The following EXOC6B variants were observed in gnomAD, a reference collection of about 807,000 sequenced individuals.
The protein encoded by EXOC6B is exocyst complex component 6B, also known as SEC15 homolog B.
In EXOC6B, 54 loss-of-function variants were observed where a neutral mutation model predicts 113.5. The observed-to-expected ratio is 0.48, with a 90% confidence interval of 0.38 to 0.60. The LOEUF (loss-of-function observed/expected upper bound fraction) is 0.60, where lower values mean the gene tolerates loss of function less well. EXOC6B is among the 20% of genes least tolerant of loss of function. The pLI, the probability that EXOC6B is intolerant of heterozygous loss-of-function variation, is 0.00. For missense variants in EXOC6B, 797 were observed against 977.5 expected (o/e 0.82, Z 2.46); for synonymous variants, 357 against 339.0 (o/e 1.05, Z -0.58).
chr2:72,314,256 A>T (rs1431509766), intron 20 of EXOC6B, among the ~76,000 whole-genome samples: 1 of 152,148 alleles, frequency 6.6e-6, no homozygotes, highest in Non-Finnish European at 1.5e-5. Context: ...CCTGGTTATC[A>T]ACTAAATTAT....
chr2:72,381,200 T>C (rs1691658637), intron 18 of EXOC6B, among the ~76,000 whole-genome samples: 1 of 152,162 alleles, frequency 6.6e-6, no homozygotes, highest in Admixed American at 6.5e-5. Context: ...TTCTATAATA[T>C]TATGTAGGTC....
intron 8 of EXOC6B, among the ~76,000 whole-genome samples, chr2:72,517,643 C>T (rs541659196): frequency 1.3e-5 from 2 of 152,272 alleles, no homozygotes; most frequent in South Asian, 2.1e-4. Flanking sequence ...ATTCTGTATA[C>T]ACTAAAGGGC....
At chr2:72,724,347 C>T (rs1022617124) in intron 5 of EXOC6B, among the ~76,000 whole-genome samples, 13 of 152,204 alleles carry the variant, frequency 8.5e-5, no homozygotes, top group African/African-American at 2.9e-4. Context: ...AGATTATAGA[C>T]GGATCAAGTC....
At chr2:72,814,796 C>A (rs1459351050) in intron 1 of EXOC6B, among the ~76,000 whole-genome samples, 1 of 151,716 alleles carries the variant, frequency 6.6e-6, no homozygotes, top group Non-Finnish European at 1.5e-5. Context: ...TCAAGACCAC[C>A]CTGGCTAACA....
intron 6 of EXOC6B, among the ~76,000 whole-genome samples, chr2:72,696,079 A>G (rs1318552181): frequency 6.6e-6 from 1 of 152,238 alleles, no homozygotes; most frequent in African/African-American, 2.4e-5. Context: ...AATAACAATG[A>G]TACCCTTCCT....
At chr2:72,639,517 C>G (rs1011550532) in intron 6 of EXOC6B, among the ~76,000 whole-genome samples, 2 of 152,224 alleles carry the variant, frequency 1.3e-5, no homozygotes, top group Admixed American at 6.5e-5. Flanking sequence ...TTTGCCACAG[C>G]TTCCACTACT....
intron 18 of EXOC6B, among the ~76,000 whole-genome samples, chr2:72,413,842 A>T: frequency 6.6e-6 from 1 of 152,154 alleles, no homozygotes; most frequent in East Asian, 1.9e-4. Flanking sequence ...GAGATTTTGC[A>T]TTTCTAACAA....
chr2:72,440,392 T>A (rs1284006394), intron 18 of EXOC6B, among the ~76,000 whole-genome samples: 3 of 152,162 alleles, frequency 2.0e-5, no homozygotes, highest in African/African-American at 7.2e-5. Flanking sequence ...GGGGGGCCAA[T>A]ATTCAACATT....
intron 8 of EXOC6B, among the ~76,000 whole-genome samples, chr2:72,549,969 T>C (rs1703118363): frequency 6.6e-6 from 1 of 151,948 alleles, no homozygotes; most frequent in African/African-American, 2.4e-5. Context: ...TCCAGGAAAA[T>C]ACAGTTTCAG....
chr2:72,498,844 C>T (rs1026637008), intron 12 of EXOC6B, among the ~76,000 whole-genome samples: 4 of 152,058 alleles, frequency 2.6e-5, no homozygotes, highest in African/African-American at 9.7e-5. Context: ...ACATCCCTTC[C>T]TATAAGTCCT....
intron 1 of EXOC6B, among the ~76,000 whole-genome samples, chr2:72,764,237 T>C (rs921707781): frequency 4.6e-5 from 7 of 152,064 alleles, no homozygotes; most frequent in Non-Finnish European, 7.4e-5. Flanking sequence ...CCCCTTTTAG[T>C]TTTTCTAAAG....
chr2:72,779,161 G>A (rs1683884821), intron 1 of EXOC6B, among the ~76,000 whole-genome samples: 1 of 151,924 alleles, frequency 6.6e-6, no homozygotes, highest in African/African-American at 2.4e-5. Flanking sequence ...ATTGTATAAA[G>A]AAACTGAATC....
intron 20 of EXOC6B, among the ~76,000 whole-genome samples, chr2:72,332,327 T>C (rs960764327): frequency 6.6e-6 from 1 of 152,048 alleles, no homozygotes; most frequent in Admixed American, 6.6e-5. Flanking sequence ...TAATAATATG[T>C]CTGAAAGAAA....
chr2:72,307,618 C>G (rs1014145639), intron 20 of EXOC6B, among the ~76,000 whole-genome samples: 1 of 152,154 alleles, frequency 6.6e-6, no homozygotes, highest in Non-Finnish European at 1.5e-5. Flanking sequence ...TCTCACTACC[C>G]AGTTCAGTTT....
intron 5 of EXOC6B, among the ~76,000 whole-genome samples, chr2:72,724,804 A>G (rs1296814793): frequency 4.6e-5 from 7 of 152,218 alleles, no homozygotes; most frequent in African/African-American, 1.7e-4. Context: ...GAAAGGGACT[A>G]AAACATTACA....
In EXOC6B at chr2:72,525,096, C is replaced by T. The variant is rs189712778; in HGVS notation, c.916-9970G>A. 6.9e-3 allele frequency among the ~76,000 whole-genome samples: 1,050 copies of T among 152,156 alleles called. 9 individuals carry two copies. Among genetic ancestry groups the T allele is most frequent in the Non-Finnish European group, 8.3e-3 (564 of 67,992 alleles). ...ATAGGAGAGCATCCCCTCCGGGGAC[C>T]GACAGAGTCTGCAGAATTTTAAAAA... On this transcript the variant is annotated intron_variant, in intron 8 of 21. Coordinates refer to ENST00000272427, the MANE Select transcript of EXOC6B (RefSeq NM_015189.3).
chr2:72,427,213 G>A (rs182142043), intron 18 of EXOC6B, among the ~76,000 whole-genome samples: 185 of 152,340 alleles, frequency 1.2e-3, no homozygotes, highest in African/African-American at 4.2e-3. Flanking sequence ...GGAACAGCAT[G>A]GTTGGGCACA....
chr2:72,481,609 A>T (rs969377362), intron 16 of EXOC6B, among the ~76,000 whole-genome samples: 1 of 152,248 alleles, frequency 6.6e-6, no homozygotes, highest in African/African-American at 2.4e-5. Context: ...CATGGGCATC[A>T]AAGTGAAAGT....
At chr2:72,661,895 T>A (rs1675042470) in intron 6 of EXOC6B, among the ~76,000 whole-genome samples, 2 of 151,902 alleles carry the variant, frequency 1.3e-5, no homozygotes, top group Admixed American at 1.3e-4. Context: ...AGAACTGACA[T>A]TGCAAAAATA....
Sources: gnomAD v4.1 joint callset for allele counts (sites outside exome capture counted in the v4.1 genomes callset) on GRCh38, gnomAD v4.1.1 for gene constraint, MANE v1.5 for transcripts, NCBI Gene and HGNC (gene_info 2026-07-23, HGNC 2026-07-21) for gene names.